Variants in LAMC1 observed in about 807,000 individuals in gnomAD.
LAMC1 encodes the protein laminin subunit gamma-1.
Under a neutral mutation model 173.6 loss-of-function variants are expected in LAMC1, and 38 were observed. The observed-to-expected ratio is 0.22, with a 90% confidence interval of 0.17 to 0.29. The LOEUF (loss-of-function observed/expected upper bound fraction) is 0.29, where lower values mean the gene tolerates loss of function less well. Ranked by LOEUF, LAMC1 falls within the 10% of genes least tolerant of loss-of-function variation. LAMC1 has a pLI of 1.00. For missense variants in LAMC1, 1,824 were observed against 2,051.8 expected, an observed-to-expected ratio of 0.89 and a Z score of 2.14; for synonymous variants, 746 against 749.1, an observed-to-expected ratio of 1.00 and a Z score of 0.07.
At chr1:183,135,177 A>C in intron 24 of LAMC1, 21 bp downstream of exon 24, 2 of 1,461,966 alleles carry the variant, frequency 1.4e-6, no homozygotes, top group Non-Finnish European at 1.9e-6. Flanking sequence ...CTGAGATAAC[A>C]GGGGCAAATG....
chr1:183,118,203 T>A, intron 11 of LAMC1, 57 bp downstream of exon 11: 1 of 1,025,974 alleles, frequency 9.7e-7, no homozygotes, highest in Admixed American at 1.9e-5. Flanking sequence ...TTAGAAAGAT[T>A]CATGATAATG....
intron 27 of LAMC1, 171 bp downstream of exon 27, chr1:183,140,674 C>G: frequency 2.5e-6 from 1 of 401,426 alleles, no homozygotes; most frequent in Non-Finnish European, 4.4e-6. Flanking sequence ...TTTTTGAAAG[C>G]CTTATAAAAT....
chr1:183,046,207 C>T (rs1035827415), intron 1 of LAMC1, among the ~76,000 whole-genome samples: 5 of 152,014 alleles, frequency 3.3e-5, no homozygotes, highest in African/African-American at 1.2e-4. Context: ...TTTTGCCTTT[C>T]TACATTTAAG....
At chr1:183,079,950 CG>C (rs1184352563) in intron 1 of LAMC1, among the ~76,000 whole-genome samples, 3 of 152,090 alleles carry the variant, frequency 2.0e-5, no homozygotes, top group Non-Finnish European at 2.9e-5. Flanking sequence ...ATGTCAAAAA[CG>C]TGTTTTTTTT....
intron 1 of LAMC1, among the ~76,000 whole-genome samples, chr1:183,076,522 G>T (rs1422543073): frequency 6.6e-5 from 10 of 152,158 alleles, no homozygotes; most frequent in Non-Finnish European, 1.5e-4. Flanking sequence ...TTGTCCATCA[G>T]CCCAGGGGAG....
chr1:183,135,187 G>C, intron 24 of LAMC1, 31 bp downstream of exon 24: 1 of 1,357,350 alleles, frequency 7.4e-7, no homozygotes, highest in African/African-American at 1.5e-5. Context: ...AGGGGCAAAT[G>C]CTTCCGCCAC....
At chr1:183,026,182 A>G (rs1300064264) in intron 1 of LAMC1, among the ~76,000 whole-genome samples, 7 of 152,234 alleles carry the variant, frequency 4.6e-5, no homozygotes, top group Non-Finnish European at 8.8e-5. Flanking sequence ...TCATAAAACT[A>G]TGAGTTTAAA....
chr1:183,085,014 C>A (rs1045576397), intron 1 of LAMC1, among the ~76,000 whole-genome samples: 1 of 152,066 alleles, frequency 6.6e-6, no homozygotes, highest in Non-Finnish European at 1.5e-5. Context: ...GTCAGAAGTT[C>A]GAGACCAGCC....
chr1:183,122,027 C>G, intron 12 of LAMC1, 36 bp from the exon 13 acceptor site: 3 of 1,609,098 alleles, frequency 1.9e-6, no homozygotes, highest in Non-Finnish European at 2.6e-6. Context: ...TATACTTGTA[C>G]ATTTGCCTGT....
At chr1:183,059,628 A>G (rs1270365543) in intron 1 of LAMC1, among the ~76,000 whole-genome samples, 1 of 152,206 alleles carries the variant, frequency 6.6e-6, no homozygotes, top group African/African-American at 2.4e-5. Flanking sequence ...TGACTTGCTC[A>G]GTGTAAGTCC....
At chr1:183,123,279 C>A (rs1444896932) in intron 13 of LAMC1, among the ~76,000 whole-genome samples, 2 of 152,182 alleles carry the variant, frequency 1.3e-5, no homozygotes, top group Non-Finnish European at 2.9e-5. Flanking sequence ...CTATCACCAA[C>A]CTGGTTCAAA....
At chr1:183,070,578 C>T (rs1371417686) in intron 1 of LAMC1, among the ~76,000 whole-genome samples, 1 of 151,904 alleles carries the variant, frequency 6.6e-6, no homozygotes, top group Non-Finnish European at 1.5e-5. Flanking sequence ...GATAAGAGCT[C>T]CTATTAGATT....
chr1:183,038,181 G>A (rs1654033465), intron 1 of LAMC1, among the ~76,000 whole-genome samples: 1 of 151,906 alleles, frequency 6.6e-6, no homozygotes, highest in Non-Finnish European at 1.5e-5. Context: ...GACTACACGC[G>A]TGGGCCACCA....
chr1:183,085,822 G>T (rs1258223280), intron 1 of LAMC1, among the ~76,000 whole-genome samples: 2 of 152,244 alleles, frequency 1.3e-5, no homozygotes, highest in East Asian at 1.9e-4. Flanking sequence ...TGGAAAATTG[G>T]TGATAATTGG....
At chr1:183,104,424 A>C (rs1229310984) in intron 2 of LAMC1, among the ~76,000 whole-genome samples, 1 of 152,232 alleles carries the variant, frequency 6.6e-6, no homozygotes, top group Non-Finnish European at 1.5e-5. Context: ...GGTGAGCCTC[A>C]TGCTGTACTC....
At position 183,023,753 on chromosome 1, in the gene LAMC1, C is replaced by A; in HGVS notation, c.37C>A (p.Pro13Thr). The change falls in exon 1 of 28, where the codon CCC becomes ACC. Residue 13 changes from proline (P) to threonine (T), a missense_variant. Transcript: ENST00000258341. ...GSHRAAPALR[P>T]RGRLWPVLAV... is the part of the protein sequence containing the mutation. ...CCATCGGGCCGCGCCGGCCCTGCGG[C>A]CCCGGGGGCGGCTCTGGCCCGTGCT... is the stretch of plus-strand genomic sequence containing the variant. 8.2e-7 allele frequency: 1 copy of A among 1,217,312 alleles called. No individual in the cohort carries two copies. The highest frequency in any genetic ancestry group is 1.0e-6 in the Non-Finnish European group (1 of 969,912). The allele number at this position is 1,217,312 out of a possible 1,614,324, so 75.4% of individuals were successfully genotyped here. A position where few individuals can be genotyped will look rare whatever the true frequency, so the allele number is the denominator to read the frequency against.
intron 1 of LAMC1, among the ~76,000 whole-genome samples, chr1:183,059,967 C>T (rs533141579): frequency 1.3e-5 from 2 of 152,206 alleles, no homozygotes; most frequent in African/African-American, 4.8e-5. Flanking sequence ...TCACATGTTC[C>T]ATGATGGCAG....
At chr1:183,062,083 G>A (rs1654756789) in intron 1 of LAMC1, among the ~76,000 whole-genome samples, 1 of 152,174 alleles carries the variant, frequency 6.6e-6, no homozygotes. Flanking sequence ...AAACAGGTAA[G>A]AATAGTGTTC....
At chr1:183,067,063 A>C (rs1487706807) in intron 1 of LAMC1, among the ~76,000 whole-genome samples, 2 of 152,220 alleles carry the variant, frequency 1.3e-5, no homozygotes, top group Non-Finnish European at 2.9e-5. Flanking sequence ...TTCTGAAGTT[A>C]TGCATTACAG....
Sources: gnomAD v4.1 joint callset for allele counts (sites outside exome capture counted in the v4.1 genomes callset) on GRCh38, gnomAD v4.1.1 for gene constraint, MANE v1.5 for transcripts, NCBI Gene and HGNC (gene_info 2026-07-23, HGNC 2026-07-21) for gene names.